Variants in RSPH9 observed in about 807,000 individuals in gnomAD.
The protein encoded by RSPH9 is radial spoke head protein 9 homolog.
A neutral mutation model predicts 27.0 loss-of-function variants in RSPH9; 27 were observed. That is an observed-to-expected ratio of 1.00 (90% CI 0.74 to 1.38). RSPH9 has a LOEUF of 1.38. RSPH9 is among the 40% of genes most tolerant of loss of function. The pLI is 0.00. For synonymous variants in RSPH9, 145 were observed against 147.7 expected (o/e 0.98, Z 0.13); for missense variants, 347 against 357.4 (o/e 0.97, Z 0.24).
At chr6:43,665,911 C>T (rs940323770) in intron 4 of RSPH9, among the ~76,000 whole-genome samples, 6 of 151,990 alleles carry the variant, frequency 3.9e-5, no homozygotes, top group African/African-American at 9.7e-5. Context: ...CTGCAACCTC[C>T]GCCTCCCAGG....
Position 43,650,558 on chromosome 6 carries a change from C to G in RSPH9, c.393+18C>G. 6.2e-7 allele frequency: 1 copy of G among 1,613,526 alleles called. No homozygotes were observed. The highest frequency in any genetic ancestry group is 8.5e-7 in the Non-Finnish European group (1 of 1,179,686). On this transcript the variant is annotated intron_variant, in intron 2 of 4. Transcript: ENST00000372163. The stretch of plus-strand genomic sequence containing the variant: ...AAATAGTGGTGAGTGAAGAGGAGAG[C>G]AGGAGGAGGGCCTAAAAGAGAGCCT...
intron 4 of RSPH9, among the ~76,000 whole-genome samples, chr6:43,665,528 A>T (rs1773051611): frequency 6.6e-6 from 1 of 152,132 alleles, no homozygotes; most frequent in Non-Finnish European, 1.5e-5. Context: ...GGCCTATGGG[A>T]GGTGTGGCAT....
chr6:43,653,834 A>G (rs1342385260), intron 2 of RSPH9, among the ~76,000 whole-genome samples: 4 of 152,126 alleles, frequency 2.6e-5, no homozygotes, highest in Non-Finnish European at 5.9e-5. Context: ...CTGGGATTAC[A>G]GGCATGCGCC....
rs77153023 is a variant in RSPH9, at chr6:43,672,441, G to A, written c.*1492G>A. 8.5e-6 allele frequency: 4 copies of A among 470,968 alleles called. No homozygotes were observed. The Admixed American group carries it at 9.4e-5, about 11-fold the overall frequency. 29.2% of individuals were successfully genotyped at this position (470,968 alleles called of 1,614,324 possible). Reference sequence around the variant, plus strand: ...GTGGGCGCAGCCCTAGCCTAGGAAGGTTCCTGTAAATAGGAGGGGGGTGGG... The same window carrying A: ...GTGGGCGCAGCCCTAGCCTAGGAAGATTCCTGTAAATAGGAGGGGGGTGGG... On this transcript the variant is annotated 3_prime_UTR_variant, in exon 5 of 5. Coordinates refer to ENST00000372163, the MANE Select transcript of RSPH9 (RefSeq NM_152732.5).
rs142263896 is a variant in RSPH9 at position 43,671,483 on chromosome 6, C to T, written c.*534C>T. The T allele has an allele frequency of 5.8e-4, 296 of 510,514 alleles. No homozygotes were observed. Among genetic ancestry groups the T allele is most frequent in the Middle Eastern group, 3.3e-3 (6 of 1,838 alleles). The allele number at this position is 510,514 out of a possible 1,614,324, so 31.6% of individuals were successfully genotyped here. On this transcript the variant is annotated 3_prime_UTR_variant, in exon 5 of 5. Coordinates refer to ENST00000372163, the MANE Select transcript of RSPH9 (RefSeq NM_152732.5). ...CCCATGAACCCAGTTTATGACACTG[C>T]GTTGGGCAAAACTCCTGTCCCCAGC...
rs375629812 is a variant in RSPH9, at chr6:43,656,533, G to A, written c.524-44G>A. ...GTGCAGACAGAAAGGGGGCTGGGGG[G>A]TTTTGGGCTAACCATCATTTTCCTG... On this transcript the variant is annotated intron_variant, in intron 3 of 4. Transcript: ENST00000372163. 53 of 1,613,312 alleles carry A rather than the reference G, an allele frequency of 3.3e-5. No individual in the cohort carries two copies. In the Middle Eastern group the frequency reaches 6.6e-4, roughly 20 times the overall value.
At chr6:43,661,973 G>A (rs540823224) in intron 4 of RSPH9, among the ~76,000 whole-genome samples, 16 of 152,180 alleles carry the variant, frequency 1.1e-4, no homozygotes, top group African/African-American at 3.4e-4. Context: ...CTGTAGCCTC[G>A]ACTTCCCAGG....
At chr6:43,652,724 C>A (rs1267199445) in intron 2 of RSPH9, among the ~76,000 whole-genome samples, 1 of 137,528 alleles carries the variant, frequency 7.3e-6, no homozygotes, top group Non-Finnish European at 1.5e-5. Context: ...CCATGCCCAA[C>A]TTCCGGTTTT....
intron 4 of RSPH9, among the ~76,000 whole-genome samples, chr6:43,663,088 A>G (rs1772798213): frequency 6.6e-6 from 1 of 152,140 alleles, no homozygotes; most frequent in South Asian, 2.1e-4. Flanking sequence ...ATGAACCACC[A>G]TGCCTGGCTC....
chr6:43,649,219 C>T lies in RSPH9; in HGVS notation c.228-1156C>T, dbSNP rs1407114947. On this transcript the variant is annotated intron_variant, in intron 1 of 4. Coordinates refer to ENST00000372163, the MANE Select transcript of RSPH9 (RefSeq NM_152732.5). ...TTTTGTTTTTTTTGAGATGGAGTTT[C>T]GCTCTTGTTGCCCAGGCTGGATTCC... 4.0e-5 allele frequency among the ~76,000 whole-genome samples: 6 copies of T among 151,520 alleles called. No individual in the cohort carries two copies. In the East Asian group the frequency reaches 5.8e-4, roughly 15 times the overall value.
At chr6:43,646,930 G>C (rs113855681) in intron 1 of RSPH9, among the ~76,000 whole-genome samples, 2,573 of 150,164 alleles carry the variant, frequency 0.017, 32 homozygotes, top group Non-Finnish European at 0.028. Flanking sequence ...ACTCCAGCCT[G>C]GGTGACAGAG....
chr6:43,659,414 G>A (rs1296965571), intron 4 of RSPH9, among the ~76,000 whole-genome samples: 1 of 148,560 alleles, frequency 6.7e-6, no homozygotes, highest in African/African-American at 2.5e-5. Context: ...ACGGAGTCTC[G>A]CTCTGTCGCC....
Position 43,671,729 on chromosome 6 carries a change from G to C in RSPH9, c.*780G>C, listed in dbSNP as rs201839277. Reference sequence around the variant, plus strand: ...GTGGGCCTCCTACTCCCCAGCACAGGTGCAGGAGGAACTCTGGAAGCACTG... The same window carrying C: ...GTGGGCCTCCTACTCCCCAGCACAGCTGCAGGAGGAACTCTGGAAGCACTG... On this transcript the variant is annotated 3_prime_UTR_variant, in exon 5 of 5. Transcript: ENST00000372163. 32 of 1,613,714 alleles carry C rather than the reference G, an allele frequency of 2.0e-5. No homozygotes were observed. Among genetic ancestry groups the C allele is most frequent in the Non-Finnish European group, 2.6e-5 (31 of 1,179,762 alleles).
chr6:43,659,484 G>A (rs1455715893), intron 4 of RSPH9, among the ~76,000 whole-genome samples: 3 of 150,858 alleles, frequency 2.0e-5, no homozygotes, highest in African/African-American at 7.3e-5. Flanking sequence ...CCGGGTTCAC[G>A]CCATTCTCCT....
intron 1 of RSPH9, 73 bp from the exon 2 acceptor site, chr6:43,650,302 A>G: frequency 1.3e-6 from 2 of 1,562,324 alleles, no homozygotes; most frequent in Non-Finnish European, 1.8e-6. Context: ...CCCACTAGAC[A>G]GAAGGGAAGA....
At chr6:43,666,146 G>C (rs894702737) in intron 4 of RSPH9, among the ~76,000 whole-genome samples, 13 of 152,130 alleles carry the variant, frequency 8.5e-5, no homozygotes, top group Non-Finnish European at 1.9e-4. Context: ...TTTTTCTCAC[G>C]ATGGTTCGAT....
intron 1 of RSPH9, among the ~76,000 whole-genome samples, chr6:43,647,084 A>G (rs1342841149): frequency 6.8e-6 from 1 of 146,984 alleles, no homozygotes; most frequent in East Asian, 1.9e-4. Flanking sequence ...TTAACTATGG[A>G]TCACTACTGC....
intron 4 of RSPH9, among the ~76,000 whole-genome samples, chr6:43,658,707 A>T (rs1772296846): frequency 6.6e-6 from 1 of 151,860 alleles, no homozygotes; most frequent in African/African-American, 2.4e-5. Flanking sequence ...ATGCCTGGCT[A>T]ATCTTTGTTT....
rs762716238 is a variant in RSPH9 at position 43,650,384 on chromosome 6, C to A, written c.237C>A (p.Cys79Ter). Residue 79 changes from cysteine to a stop codon, truncating the protein, a stop_gained, in exon 2 of 5, where the codon TGC (cysteine) becomes TGA (stop). Transcript: ENST00000372163. LOFTEE classifies it high-confidence loss of function. ...APRKTLYSLNCTEWSLLPPAT... is the reference protein window; with the variant it reads ...APRKTLYSLN ...TGAATATTGTTGGCAGCCTGAACTG[C>A]ACAGAGTGGAGCCTCTTGCCCCCTG... The A allele has an allele frequency of 1.2e-6, 2 of 1,613,050 alleles. No individual in the cohort carries two copies. Among genetic ancestry groups the A allele is most frequent in the South Asian group, 2.2e-5 (2 of 91,042 alleles).
Sources: gnomAD v4.1 joint callset for allele counts (sites outside exome capture counted in the v4.1 genomes callset) on GRCh38, gnomAD v4.1.1 for gene constraint, MANE v1.5 for transcripts, NCBI Gene and HGNC (gene_info 2026-07-23, HGNC 2026-07-21) for gene names.